LOC400499: variants seen among roughly 807,000 people sequenced by gnomAD.
the LOC400499 span, among the ~76,000 whole-genome samples, chr16:11,401,751 C>A: frequency 1.3e-5 from 2 of 152,192 alleles, no homozygotes; most frequent in South Asian, 2.1e-4. Flanking sequence ...TTAATAGCGC[C>A]GAGCAGATGG....
chr16:11,478,075 G>A, the LOC400499 span: 9 of 395,966 alleles, frequency 2.3e-5, no homozygotes, highest in African/African-American at 1.9e-4. Context: ...CACTTTGGGA[G>A]GCCGAGACGG....
chr16:11,455,440 G>C, the LOC400499 span, among the ~76,000 whole-genome samples: 2 of 151,990 alleles, frequency 1.3e-5, no homozygotes, highest in Admixed American at 6.6e-5. Context: ...TTTTAAGCAA[G>C]ACTTGGGGTA....
the LOC400499 span, among the ~76,000 whole-genome samples, chr16:11,452,201 G>GTTTTTTTTT: frequency 1.9e-4 from 15 of 77,162 alleles, no homozygotes; most frequent in African/African-American, 4.2e-4. Context: ...CAGTTTTTTT[G>GTTTTTTTTT]TTTGTTTTTT....
At chr16:11,444,307 A>C in the LOC400499 span, among the ~76,000 whole-genome samples, 40 of 152,130 alleles carry the variant, frequency 2.6e-4, no homozygotes, top group Admixed American at 8.5e-4. Flanking sequence ...CTGAGGTGTG[A>C]GGGTCACTTG....
the LOC400499 span, chr16:11,484,821 G>A: frequency 1.1e-5 from 4 of 355,048 alleles, no homozygotes; most frequent in African/African-American, 5.0e-5. Context: ...AAAAGTCCAC[G>A]CATGAAGCGG....
At chr16:11,429,623 A>G in the LOC400499 span, among the ~76,000 whole-genome samples, 1 of 151,902 alleles carries the variant, frequency 6.6e-6, no homozygotes, top group Non-Finnish European at 1.5e-5. Flanking sequence ...ACAGGCGTGT[A>G]CCGCCACCCC....
chr16:11,394,516 G>A, the LOC400499 span, among the ~76,000 whole-genome samples: 11 of 152,334 alleles, frequency 7.2e-5, no homozygotes, highest in South Asian at 4.1e-4. Context: ...GTGTGTGTGC[G>A]CGTGCACGTA....
chr16:11,379,239 T>C, the LOC400499 span, among the ~76,000 whole-genome samples: 3 of 152,152 alleles, frequency 2.0e-5, no homozygotes, highest in Non-Finnish European at 4.4e-5. Flanking sequence ...CAGAGTGAGA[T>C]TCCATCTCAA....
chr16:11,391,379 CAAAA>C, the LOC400499 span, among the ~76,000 whole-genome samples: 1 of 141,302 alleles, frequency 7.1e-6, no homozygotes, highest in Non-Finnish European at 1.6e-5. Context: ...GCTGTATACT[CAAAA>C]GAAAGCAGGC....
chr16:11,396,982 C>T, the LOC400499 span, among the ~76,000 whole-genome samples: 1 of 152,210 alleles, frequency 6.6e-6, no homozygotes, highest in African/African-American at 2.4e-5. Context: ...TCACACTCAC[C>T]AGTGAGGCCC....
chr16:11,440,069 T>C, the LOC400499 span, among the ~76,000 whole-genome samples: 3 of 151,926 alleles, frequency 2.0e-5, no homozygotes, highest in South Asian at 2.1e-4. Flanking sequence ...TGAACTTATA[T>C]AACACTAAAA....
chr16:11,415,899 T>C, the LOC400499 span, among the ~76,000 whole-genome samples: 24 of 152,188 alleles, frequency 1.6e-4, no homozygotes, highest in African/African-American at 4.6e-4. Context: ...TCCTGTCCTC[T>C]GTTCTCCCCT....
At chr16:11,502,836 G>A in the LOC400499 span, among the ~76,000 whole-genome samples, 2 of 149,944 alleles carry the variant, frequency 1.3e-5, no homozygotes, top group African/African-American at 2.5e-5. Flanking sequence ...GGATGGTCTC[G>A]ATCTCCTGAC....
At chr16:11,477,967 G>A in the LOC400499 span, 71 of 398,950 alleles carry the variant, frequency 1.8e-4, no homozygotes, top group Middle Eastern at 6.3e-4. Flanking sequence ...GTTCCTGTGC[G>A]GCCAGGCTCA....
chr16:11,431,192 T>C, the LOC400499 span: 1 of 399,036 alleles, frequency 2.5e-6, no homozygotes, highest in Non-Finnish European at 4.4e-6. Flanking sequence ...AACTGTGCTG[T>C]GTTCTGGTCC....
chr16:11,391,665 C>T, the LOC400499 span: 2 of 1,232,174 alleles, frequency 1.6e-6, no homozygotes, highest in South Asian at 4.1e-5. Context: ...CCCACACTTA[C>T]ATTCCAGCTC....
At chr16:11,439,079 G>A in the LOC400499 span, among the ~76,000 whole-genome samples, 3 of 152,204 alleles carry the variant, frequency 2.0e-5, no homozygotes, top group East Asian at 3.9e-4. Flanking sequence ...GCTCAATGAA[G>A]CCACAAATTT....
At chr16:11,438,774 G>A in the LOC400499 span, among the ~76,000 whole-genome samples, 2 of 151,922 alleles carry the variant, frequency 1.3e-5, no homozygotes, top group African/African-American at 4.8e-5. Flanking sequence ...AGCTAACAGA[G>A]TGAGATCCTG....
At chr16:11,385,069 T>TG in the LOC400499 span, 1 of 1,231,818 alleles carries the variant, frequency 8.1e-7, no homozygotes, top group South Asian at 4.1e-5. Flanking sequence ...TGTAGGCCTG[T>TG]GGGCCAGAGG....
Sources: gnomAD v4.1 joint callset for allele counts (sites outside exome capture counted in the v4.1 genomes callset) on GRCh38, gnomAD v4.1.1 for gene constraint, MANE v1.5 for transcripts.